The following ETAA1 variants were observed in gnomAD, a reference collection of about 807,000 sequenced individuals.
ETAA1 encodes ETAA1 activator of ATR kinase, also known as ewing's tumor-associated antigen 1.
In ETAA1, 49 loss-of-function variants were observed where a neutral mutation model predicts 76.8. That is an observed-to-expected ratio of 0.64 (90% confidence interval 0.51 to 0.81). ETAA1 has a LOEUF of 0.81. Ranked by LOEUF, ETAA1 falls within the 30% of genes least tolerant of loss-of-function variation. ETAA1 has a pLI of 0.00. For missense variants in ETAA1, 1,099 were observed against 1,074.0 expected, an observed-to-expected ratio of 1.02 and a Z score of -0.32; for synonymous variants, 373 against 372.2, an observed-to-expected ratio of 1.00 and a Z score of -0.03.
Position 67,397,507 on chromosome 2 carries a change from C to G in ETAA1, c.59C>G (p.Thr20Arg), listed in dbSNP as rs1276890992. Reference protein sequence around the residue: ...SPSPKKTPHKTVAAEECGSVV... With the variant: ...SPSPKKTPHKRVAAEECGSVV... ...AGCCCGAAGAAAACGCCGCACAAAA[C>G]AGTGGCGGCGGAGGAATGCGGCTCG... is the stretch of plus-strand genomic sequence containing the variant. Residue 20 changes from threonine to arginine, a missense_variant, in exon 1 of 6, where the codon ACA becomes AGA. Around this residue, in one of 3 missense-constraint regions of ETAA1, gnomAD observed 761 missense variants for 731.9 expected, o/e 1.04. Transcript: ENST00000272342. 1 of 1,601,376 alleles carries G rather than the reference C, an allele frequency of 6.2e-7. No homozygotes were observed. The highest frequency in any genetic ancestry group is 8.5e-7 in the Non-Finnish European group (1 of 1,174,018).
chr2:67,398,305 GCTTT>G (rs1367297198), intron 1 of ETAA1, among the ~76,000 whole-genome samples: 1 of 88,640 alleles, frequency 1.1e-5, no homozygotes, highest in Non-Finnish European at 2.1e-5. Context: ...TTGAAATAGT[GCTTT>G]TTTTTTTTTT....
rs771190340 is a variant in ETAA1, at chr2:67,403,615, T to C, written c.933T>C (p.Thr311=). 4 of 1,613,232 alleles carry C rather than the reference T, an allele frequency of 2.5e-6. No individual in the cohort carries two copies. Among genetic ancestry groups the C allele is most frequent in the African/African-American group, 1.3e-5 (1 of 74,884 alleles). ...LPEAFWSTSN[T]TFVKTNALKE... is the part of the protein sequence containing the mutation. ...AGGCTTTTTGGAGCACCAGTAATAC[T>C]ACCTTTGTAAAGACAAATGCTTTGA... Residue 311 remains threonine (T), a synonymous_variant, in exon 5 of 6, where the codon ACT becomes ACC. Coordinates refer to ENST00000272342, the MANE Select transcript of ETAA1 (RefSeq NM_019002.4).
chr2:67,403,738 G>A lies in ETAA1; in HGVS notation c.1056G>A (p.Met352Ile). 6.2e-7 allele frequency: 1 copy of A among 1,613,360 alleles called. No homozygotes were observed. Among genetic ancestry groups the A allele is most frequent in the Non-Finnish European group, 8.5e-7 (1 of 1,179,486 alleles). Residue 352 changes from methionine (M) to isoleucine (I), a missense_variant, in exon 5 of 6, where the codon ATG becomes ATA. Coordinates refer to ENST00000272342, the MANE Select transcript of ETAA1 (RefSeq NM_019002.4). ...SLSSQVDTPI[M>I]TKSCVTSCTK... ...CTTCTCAAGTAGATACACCCATAATGACAAAATCATGTGTGACTTCCTGTA... is the reference window on the plus strand; with the variant it reads ...CTTCTCAAGTAGATACACCCATAATAACAAAATCATGTGTGACTTCCTGTA...
chr2:67,403,323 G>A lies in ETAA1; in HGVS notation c.641G>A (p.Arg214Lys). The change falls in exon 5 of 6, where the codon AGG (arginine) becomes AAG (lysine). Residue 214 changes from arginine (R) to lysine (K), a missense_variant. Arg to Lys is a conservative substitution (Grantham distance 26). Coordinates refer to ENST00000272342, the MANE Select transcript of ETAA1 (RefSeq NM_019002.4). ...GATGTGATTCAAGAGCAAAACAAGA[G>A]GAATTATGATTTTACCCAGATGATT... Reference protein sequence around the residue: ...ELDVIQEQNKRNYDFTQMISE... With the variant: ...ELDVIQEQNKKNYDFTQMISE... 3.1e-6 allele frequency: 5 copies of A among 1,606,704 alleles called. No individual in the cohort carries two copies. The highest frequency in any genetic ancestry group is 4.3e-6 in the Non-Finnish European group (5 of 1,174,832).
chr2:67,407,246 TAAA>T (rs71395915), intron 5 of ETAA1, among the ~76,000 whole-genome samples: 6 of 102,272 alleles, frequency 5.9e-5, no homozygotes, highest in Non-Finnish European at 6.2e-5. Context: ...GCTGATGAAC[TAAA>T]AAAAAAAAAA....
In ETAA1 at chr2:67,410,150, C is replaced by G; in HGVS notation, c.*112C>G. 1 of 923,700 alleles carries G rather than the reference C, an allele frequency of 1.1e-6. No individual in the cohort carries two copies. Among genetic ancestry groups the G allele is most frequent in the Non-Finnish European group, 1.7e-6 (1 of 597,246 alleles). 57.2% of individuals were successfully genotyped at this position (923,700 alleles called of 1,614,324 possible). A position where few individuals can be genotyped will look rare whatever the true frequency, so the allele number is the denominator to read the frequency against. On this transcript the variant is annotated 3_prime_UTR_variant, in exon 6 of 6. Transcript: ENST00000272342. ...AAATGTAATGCTGACTTTTATAAAG[C>G]CTGGACTTCTACTTTATTTAATAAA...
At position 67,411,327 on chromosome 2, in the gene ETAA1, A is replaced by G. The variant is rs1243768149; in HGVS notation, c.*1289A>G. On this transcript the variant is annotated 3_prime_UTR_variant, in exon 6 of 6. Coordinates refer to ENST00000272342, the MANE Select transcript of ETAA1 (RefSeq NM_019002.4). The stretch of plus-strand genomic sequence containing the variant: ...GATAATATGGTAGTTACTGCCCTAT[A>G]GCTATACAGATACTCCTCAACTTAC... 2 of 152,082 alleles carry G rather than the reference A, an allele frequency of 1.3e-5. No homozygotes were observed. The highest frequency in any genetic ancestry group is 2.9e-5 in the Non-Finnish European group (2 of 68,000). The allele number at this position is 152,082 out of a possible 1,614,324, so 9.4% of individuals were successfully genotyped here.
intron 3 of ETAA1, chr2:67,401,953 G>A (rs1676070390): frequency 6.6e-6 from 1 of 151,816 alleles, no homozygotes; most frequent in Non-Finnish European, 1.5e-5. Context: ...TACTGACACT[G>A]GTATGCCCAA....
chr2:67,409,710 T>G (rs1478694415), intron 5 of ETAA1, among the ~76,000 whole-genome samples: 3 of 151,992 alleles, frequency 2.0e-5, no homozygotes, highest in Non-Finnish European at 4.4e-5. Context: ...TAGAGACAGA[T>G]CCATCAGTGC....
At chr2:67,399,529 G>T in intron 2 of ETAA1, 21 bp from the exon 3 acceptor site, 2 of 1,546,080 alleles carry the variant, frequency 1.3e-6, no homozygotes, top group South Asian at 2.3e-5. Flanking sequence ...AAAATTTATA[G>T]AAATGTCTTT....
Position 67,404,370 on chromosome 2 carries a change from G to A in ETAA1, c.1688G>A (p.Ser563Asn), listed in dbSNP as rs761478012. The A allele has an allele frequency of 1.9e-6, 3 of 1,613,312 alleles. No individual in the cohort carries two copies. The highest frequency in any genetic ancestry group is 3.3e-5 in the Admixed American group (2 of 59,910). ...AATCTAGGCAGTAAAACCAGTGTTA[G>A]TAACCCAAATCAGACTAGTGCATCA... ...SANLGSKTSVSNPNQTSASKV... is the reference protein window; with the variant it reads ...SANLGSKTSVNNPNQTSASKV... The change falls in exon 5 of 6, where the codon AGT becomes AAT. Residue 563 changes from serine (S) to asparagine (N), a missense_variant. This residue lies in a region of ETAA1 where 761 missense variants were observed against 731.9 expected (regional missense o/e 1.04). Transcript: ENST00000272342.
At position 67,404,719 on chromosome 2, in the gene ETAA1, G is replaced by A. The variant is rs768913755; in HGVS notation, c.2037G>A (p.Met679Ile). ...ATTCCGAACATGGAGCCAAAAACAT[G>A]TTTGCTATATCTAAACAAGGAAGTA... Reference protein sequence around the residue: ...NNNSEHGAKNMFAISKQGSNL... With the variant: ...NNNSEHGAKNIFAISKQGSNL... Residue 679 changes from methionine (M) to isoleucine (I), a missense_variant, in exon 5 of 6, where the codon ATG becomes ATA. Physicochemically the swap from Met to Ile is conservative, Grantham distance 10. Coordinates refer to ENST00000272342, the MANE Select transcript of ETAA1 (RefSeq NM_019002.4). 1 of 1,613,390 alleles carries A rather than the reference G, an allele frequency of 6.2e-7. No individual in the cohort carries two copies. The highest frequency in any genetic ancestry group is 8.5e-7 in the Non-Finnish European group (1 of 1,179,550).
chr2:67,400,669 G>A (rs1413881990), intron 3 of ETAA1: 1 of 151,922 alleles, frequency 6.6e-6, no homozygotes, highest in East Asian at 1.9e-4. Context: ...TTTTTGCTTA[G>A]TGTCTTCTCT....
Position 67,403,344 on chromosome 2 carries a change from T to G in ETAA1, c.662T>G (p.Met221Arg), listed in dbSNP as rs13036061. 3.1e-6 allele frequency: 5 copies of G among 1,605,158 alleles called. No individual in the cohort carries two copies. Among genetic ancestry groups the G allele is most frequent in the African/African-American group, 2.7e-5 (2 of 74,488 alleles). ...QNKRNYDFTQMISETEILSNY... is the reference protein window; with the variant it reads ...QNKRNYDFTQRISETEILSNY... ...AAGAGGAATTATGATTTTACCCAGA[T>G]GATTTCAGAAACAGAGATTTTAAGT... Residue 221 changes from methionine to arginine, a missense_variant, in exon 5 of 6, where the codon ATG becomes AGG. Met to Arg is a moderately conservative substitution (Grantham distance 91). Around this residue, in one of 3 missense-constraint regions of ETAA1, gnomAD observed 761 missense variants for 731.9 expected, o/e 1.04. Coordinates refer to ENST00000272342, the MANE Select transcript of ETAA1 (RefSeq NM_019002.4).
chr2:67,409,813 T>C, intron 5 of ETAA1, 98 bp from the exon 6 acceptor site: 1 of 1,091,498 alleles, frequency 9.2e-7, no homozygotes, highest in Non-Finnish European at 1.3e-6. Context: ...CCAACTAATA[T>C]GGCAAATCTG....
rs1208964081 is a variant in ETAA1 at position 67,397,602 on chromosome 2, C to A, written c.154C>A (p.Pro52Thr). Reference sequence around the variant, plus strand: ...GTGGCCCTGCGGGGCTAGAGAGGGGCCTCCCGGGCCAGTGCGGCAGCGAGA... The same window carrying A: ...GTGGCCCTGCGGGGCTAGAGAGGGGACTCCCGGGCCAGTGCGGCAGCGAGA... ...GSWPCGAREG[P>T]PGPVRQREQP... Residue 52 changes from proline to threonine, a missense_variant, in exon 1 of 6, where the codon CCT becomes ACT. Coordinates refer to ENST00000272342, the MANE Select transcript of ETAA1 (RefSeq NM_019002.4). 4.5e-6 allele frequency: 7 copies of A among 1,550,516 alleles called. No homozygotes were observed. Among genetic ancestry groups the A allele is most frequent in the Non-Finnish European group, 6.1e-6 (7 of 1,147,720 alleles).
At position 67,397,344 on chromosome 2, in the gene ETAA1, T is replaced by C; in HGVS notation, c.-105T>C. Reference sequence around the variant, plus strand: ...CTTGCGCGCGCCCCACCGACCAAAATGGCGGCTGCCGTTGGTGCGGGGTGC... The same window carrying C: ...CTTGCGCGCGCCCCACCGACCAAAACGGCGGCTGCCGTTGGTGCGGGGTGC... On this transcript the variant is annotated 5_prime_UTR_variant, in exon 1 of 6. It removes an upstream start codon present in the reference 5' UTR. Transcript: ENST00000272342. 1 of 1,247,658 alleles carries C rather than the reference T, an allele frequency of 8.0e-7. No homozygotes were observed. The highest frequency in any genetic ancestry group is 1.1e-6 in the Non-Finnish European group (1 of 873,496). 77.3% of individuals were successfully genotyped at this position (1,247,658 alleles called of 1,614,324 possible).
At chr2:67,406,177 C>T (rs531209081) in intron 5 of ETAA1, among the ~76,000 whole-genome samples, 10 of 152,126 alleles carry the variant, frequency 6.6e-5, no homozygotes, top group Admixed American at 2.0e-4. Context: ...CTTTAACCTG[C>T]GTCTCCTCTT....
intron 5 of ETAA1, among the ~76,000 whole-genome samples, chr2:67,408,819 C>T (rs2103761258): frequency 6.6e-6 from 1 of 152,190 alleles, no homozygotes; most frequent in African/African-American, 2.4e-5. Context: ...TGTTTTCTTT[C>T]CACACAGTCA....
Sources: allele counts gnomAD v4.1 joint callset (sites outside exome capture counted in the v4.1 genomes callset), GRCh38; gene constraint gnomAD v4.1.1; regional missense constraint gnomAD v4.1.1; transcripts MANE v1.5; gene names NCBI Gene and HGNC (gene_info 2026-07-23, HGNC 2026-07-21).